Variants in MEF2B observed in about 807,000 individuals in gnomAD.
MEF2B encodes the protein myocyte-specific enhancer factor 2B.
A neutral mutation model predicts 32.2 loss-of-function variants in MEF2B; 15 were observed. The ratio of observed to expected loss-of-function variants is 0.47; its 90% CI spans 0.31 to 0.72. The LOEUF is 0.72. Among genes scored for constraint, MEF2B ranks in the 30% least tolerant of loss-of-function variants. MEF2B has a pLI of 0.05. For synonymous variants in MEF2B, 205 were observed against 225.6 expected, an observed-to-expected ratio of 0.91 and a Z score of 0.82; for missense variants, 441 against 511.5, an observed-to-expected ratio of 0.86 and a Z score of 1.33.
intron 4 of MEF2B, 134 bp downstream of exon 4, chr19:19,147,564 G>T: frequency 6.5e-7 from 1 of 1,529,052 alleles, no homozygotes; most frequent in South Asian, 1.3e-5. Context: ...AGCCTTTCCT[G>T]ACCAACCAGG....
At position 19,147,066 on chromosome 19, in the gene MEF2B, G is replaced by C. The variant is rs1353915907; in HGVS notation, c.511C>G (p.Arg171Gly). ...LPAQSRPSPF[R>G]PAAPKAGPPG... ...GGCCCGGCTTTGGGGGCTGCTGGTC[G>C]GAAGGGAGATGGGCGGCTCTGGGCG... The change falls in exon 5 of 9, where the codon CGA (arginine) becomes GGA (glycine). Residue 171 changes from arginine (R) to glycine (G), a missense_variant. Around this residue, in one of 2 missense-constraint regions of MEF2B, gnomAD observed 326 missense variants for 328.4 expected, o/e 0.99. Transcript: ENST00000424583. 3.1e-6 allele frequency: 5 copies of C among 1,607,790 alleles called. No homozygotes were observed. Among genetic ancestry groups the C allele is most frequent in the Non-Finnish European group, 3.4e-6 (4 of 1,178,098 alleles).
At chr19:19,166,459 G>A (rs2060208320) in intron 1 of MEF2B, among the ~76,000 whole-genome samples, 1 of 152,114 alleles carries the variant, frequency 6.6e-6, no homozygotes, top group African/African-American at 2.4e-5. Flanking sequence ...ACATTTCTAA[G>A]TCGTCTCAGA....
In MEF2B at chr19:19,152,380, CA is replaced by C. The variant is rs749560348; in HGVS notation, c.-29-1617del. On this transcript the variant is annotated intron_variant, in intron 1 of 8. Transcript: ENST00000424583. ...TGGGTGATAGAGCAAGACTCTGTCT[CA>C]AAAAAAAAAAAGAAAAAGAAAAAGA... Among the ~76,000 whole-genome samples the C allele has an allele frequency of 8.8e-3, 996 of 113,254 alleles. 15 individuals are homozygous for C. The highest frequency in any genetic ancestry group is 0.017 in the Admixed American group (186 of 11,208). 74.3% of individuals were successfully genotyped at this position (113,254 alleles called of 152,430 possible). A position where few individuals can be genotyped will look rare whatever the true frequency, so the allele number is the denominator to read the frequency against.
chr19:19,146,600 C>G lies in MEF2B; in HGVS notation c.724G>C (p.Gly242Arg). 6.2e-7 allele frequency: 1 copy of G among 1,606,102 alleles called. No individual in the cohort carries two copies. Among genetic ancestry groups the G allele is most frequent in the Non-Finnish European group, 8.5e-7 (1 of 1,176,740 alleles). ...AAGGGGAAGCTCCCCAGTGGGGGTC[C>G]GGGAGTTGCAGTGGAGCAGGGGTTC... ...LQNPCSTATP[G>R]PPLGSFPFLP... is the part of the protein sequence containing the mutation. The change falls in exon 7 of 9, where the codon GGA (glycine) becomes CGA (arginine). Residue 242 changes from glycine to arginine, a missense_variant. This residue lies in a region of MEF2B where 326 missense variants were observed against 328.4 expected (regional missense o/e 0.99). Coordinates refer to ENST00000424583, the MANE Select transcript of MEF2B (RefSeq NM_001145785.2).
At chr19:19,163,361 G>GCTGGTCTCAAACTC (rs1273722464) in intron 1 of MEF2B, among the ~76,000 whole-genome samples, 5 of 151,970 alleles carry the variant, frequency 3.3e-5, no homozygotes, top group Non-Finnish European at 7.4e-5. Flanking sequence ...TGTTGCCCAG[G>GCTGGTCTCAAACTC]CTGGTCTCAA....
Position 19,145,902 on chromosome 19 carries a change from A to C in MEF2B, c.1002T>G (p.Pro334=), listed in dbSNP as rs948872718. 3.5e-6 allele frequency: 5 copies of C among 1,448,920 alleles called. No homozygotes were observed. Among genetic ancestry groups the C allele is most frequent in the Non-Finnish European group, 4.5e-6 (5 of 1,099,842 alleles). 89.8% of individuals were successfully genotyped at this position (1,448,920 alleles called of 1,614,324 possible). A position where few individuals can be genotyped will look rare whatever the true frequency, so the allele number is the denominator to read the frequency against. Residue 334 remains proline, a synonymous_variant, in exon 9 of 9, where the codon CCT becomes CCG. Coordinates refer to ENST00000424583, the MANE Select transcript of MEF2B (RefSeq NM_001145785.2). This position sits in a 1 kb window ranked among gnomAD's most constrained non-coding sequence, Gnocchi z 4.6. ...GGAGCAAGGGATAGGGGAAGGTCTT[A>C]GGAAAGTCGCCGGGGCCCCCGGGGG... ...SPAPGGPGDF[P]KTFPYPLLLA... is the part of the protein sequence containing the mutation.
At chr19:19,169,543 G>T (rs187437725) in intron 1 of MEF2B, among the ~76,000 whole-genome samples, 85 of 152,220 alleles carry the variant, frequency 5.6e-4, no homozygotes, top group African/African-American at 1.9e-3. Flanking sequence ...AGGGGTTAGG[G>T]TGGCCAAGGA....
intron 1 of MEF2B, among the ~76,000 whole-genome samples, chr19:19,165,034 A>T (rs1385960047): frequency 1.3e-5 from 2 of 152,238 alleles, no homozygotes; most frequent in East Asian, 3.9e-4. Flanking sequence ...GGCAGCCCGA[A>T]GATGCAGCCA....
chr19:19,150,391 G>A (rs2060067736), intron 2 of MEF2B, among the ~76,000 whole-genome samples: 1 of 151,994 alleles, frequency 6.6e-6, no homozygotes, highest in South Asian at 2.1e-4. Flanking sequence ...GCTGGGCTTG[G>A]TGGTGCGCAC....
intron 3 of MEF2B, among the ~76,000 whole-genome samples, 200 bp from the exon 4 acceptor site, chr19:19,148,032 G>C (rs2060042346): frequency 6.6e-6 from 1 of 152,248 alleles, no homozygotes; most frequent in Non-Finnish European, 1.5e-5. Flanking sequence ...GGACCGAAAA[G>C]CCCAAGGACC....
At chr19:19,169,838 G>C (rs2060239605) in intron 1 of MEF2B, among the ~76,000 whole-genome samples, 1 of 152,056 alleles carries the variant, frequency 6.6e-6, no homozygotes, top group African/African-American at 2.4e-5. Flanking sequence ...TGCTAAAGGA[G>C]TGCACACCAG....
intron 1 of MEF2B, among the ~76,000 whole-genome samples, chr19:19,169,432 G>A (rs1374429531): frequency 6.6e-6 from 1 of 152,004 alleles, no homozygotes. Flanking sequence ...TCAAACTACT[G>A]GGCTCAAGTG....
intron 1 of MEF2B, among the ~76,000 whole-genome samples, chr19:19,164,634 T>A (rs537683345): frequency 2.0e-5 from 3 of 152,136 alleles, no homozygotes; most frequent in African/African-American, 2.4e-5. Context: ...GCCAACATAG[T>A]GAAACCCCAT....
chr19:19,154,176 A>T (rs892322560), intron 1 of MEF2B, among the ~76,000 whole-genome samples: 8 of 151,776 alleles, frequency 5.3e-5, no homozygotes, highest in African/African-American at 1.7e-4. Flanking sequence ...ATATATATAT[A>T]TTTTTGAGAT....
In MEF2B at chr19:19,147,698, A is replaced by G; in HGVS notation, c.393T>C (p.Tyr131=). 1 of 1,613,136 alleles carries G rather than the reference A, an allele frequency of 6.2e-7. No individual in the cohort carries two copies. Among genetic ancestry groups the G allele is most frequent in the East Asian group, 2.2e-5 (1 of 44,870 alleles). Residue 131 remains tyrosine, a splice_region_variant and synonymous_variant, in exon 4 of 9, where the codon TAT becomes TAC. Coordinates refer to ENST00000424583, the MANE Select transcript of MEF2B (RefSeq NM_001145785.2). ...TTCACAGGGCCAGGGAGTCACTTACATACAGCCGGGGTCGGGGCAAGGCCG... is the reference window on the plus strand; with the variant it reads ...TTCACAGGGCCAGGGAGTCACTTACGTACAGCCGGGGTCGGGGCAAGGCCG... The part of the protein sequence containing the change: ...GDPALPRPRL[Y]PAAPAMPSPD...
intron 1 of MEF2B, among the ~76,000 whole-genome samples, chr19:19,153,496 G>A (rs1023878310): frequency 4.6e-5 from 7 of 151,758 alleles, no homozygotes; most frequent in African/African-American, 9.7e-5. Context: ...TCACTCTGTC[G>A]CCCAGGCTGG....
At chr19:19,168,268 CTTTTTT>C (rs1050853160) in intron 1 of MEF2B, among the ~76,000 whole-genome samples, 3 of 99,026 alleles carry the variant, frequency 3.0e-5, no homozygotes, top group Non-Finnish European at 4.1e-5. Flanking sequence ...TTTCTTTCTT[CTTTTTT>C]TTTTTTTTTT....
intron 1 of MEF2B, among the ~76,000 whole-genome samples, chr19:19,168,377 G>A (rs781394288): frequency 1.6e-4 from 23 of 147,522 alleles, no homozygotes; most frequent in Non-Finnish European, 2.8e-4. Flanking sequence ...GGGTTCAAGC[G>A]ATTCTCCTGC....
At chr19:19,154,707 G>A (rs1478424961) in intron 1 of MEF2B, among the ~76,000 whole-genome samples, 1 of 152,250 alleles carries the variant, frequency 6.6e-6, no homozygotes, top group Non-Finnish European at 1.5e-5. Flanking sequence ...GCCTCCCAAA[G>A]TGCTGGGATT....
Sources: allele counts gnomAD v4.1 joint callset (sites outside exome capture counted in the v4.1 genomes callset), GRCh38; gene constraint gnomAD v4.1.1; regional missense constraint gnomAD v4.1.1; non-coding constraint Gnocchi (gnomAD v3.1); transcripts MANE v1.5; gene names NCBI Gene and HGNC (gene_info 2026-07-23, HGNC 2026-07-21).